The following FBXO42 variants were observed in gnomAD, a reference collection of about 807,000 sequenced individuals.
FBXO42 encodes the protein F-box only protein 42.
Under a neutral mutation model 71.7 loss-of-function variants are expected in FBXO42, and 12 were observed. The ratio of observed to expected loss-of-function variants is 0.17; its 90% CI spans 0.11 to 0.27. The LOEUF is 0.27. Among genes scored for constraint, FBXO42 ranks in the 10% least tolerant of loss-of-function variants. FBXO42 has a pLI of 1.00. For missense variants in FBXO42, 707 were observed against 911.9 expected (o/e 0.78, Z 2.89); for synonymous variants, 325 against 327.5 (o/e 0.99, Z 0.08).
At chr1:16,323,794 C>CAAAAA (rs1158421632) in intron 1 of FBXO42, among the ~76,000 whole-genome samples, 8 of 63,248 alleles carry the variant, frequency 1.3e-4, no homozygotes, top group African/African-American at 2.8e-4. Flanking sequence ...GACTCTGTCT[C>CAAAAA]AAAAAAAAAA....
intron 4 of FBXO42, among the ~76,000 whole-genome samples, chr1:16,270,880 G>A (rs1417473839): frequency 2.0e-5 from 3 of 150,996 alleles, no homozygotes; most frequent in African/African-American, 4.9e-5. Flanking sequence ...TCAGCCCCAG[G>A]AAGCGTATAG....
chr1:16,343,495 G>A (rs1292062324), intron 1 of FBXO42, among the ~76,000 whole-genome samples: 1 of 152,078 alleles, frequency 6.6e-6, no homozygotes. Flanking sequence ...GTAGTAAGCA[G>A]AGATTGCACC....
chr1:16,289,198 C>T (rs2082053205), intron 4 of FBXO42, among the ~76,000 whole-genome samples: 8 of 151,568 alleles, frequency 5.3e-5, no homozygotes. Context: ...AGTTGAAGAC[C>T]AGCCCAGGCA....
intron 1 of FBXO42, among the ~76,000 whole-genome samples, chr1:16,317,208 A>G (rs78399199): frequency 0.33 from 49,834 of 152,040 alleles, 9,840 homozygotes; most frequent in East Asian, 0.67. Flanking sequence ...ATCTGAGGTC[A>G]GGAGTTCAAG....
At chr1:16,349,240 G>T (rs1018972319) in intron 1 of FBXO42, among the ~76,000 whole-genome samples, 1 of 152,112 alleles carries the variant, frequency 6.6e-6, no homozygotes, top group African/African-American at 2.4e-5. Flanking sequence ...AGCCATCCCT[G>T]CTCCAAGAAG....
intron 1 of FBXO42, among the ~76,000 whole-genome samples, chr1:16,351,656 C>T (rs771964478): frequency 2.6e-5 from 4 of 152,158 alleles, no homozygotes; most frequent in Non-Finnish European, 5.9e-5. Flanking sequence ...CCTTTGCACA[C>T]ACAATTCTCG....
At chr1:16,279,475 A>T (rs1399225882) in intron 4 of FBXO42, among the ~76,000 whole-genome samples, 3 of 152,190 alleles carry the variant, frequency 2.0e-5, no homozygotes, top group Non-Finnish European at 4.4e-5. Flanking sequence ...TCTTGTCTAC[A>T]TCTTGTCTAG....
At chr1:16,351,828 G>T (rs1392591472) in intron 1 of FBXO42, among the ~76,000 whole-genome samples, 1 of 152,168 alleles carries the variant, frequency 6.6e-6, no homozygotes, top group Non-Finnish European at 1.5e-5. Context: ...CTTTGCAGCT[G>T]CAGGTTCAGA....
chr1:16,319,385 A>AT (rs1163193688), intron 1 of FBXO42, among the ~76,000 whole-genome samples: 1 of 152,206 alleles, frequency 6.6e-6, no homozygotes, highest in African/African-American at 2.4e-5. Flanking sequence ...TTCCCAGATA[A>AT]TTTATCTACC....
intron 1 of FBXO42, among the ~76,000 whole-genome samples, chr1:16,329,034 G>A (rs527333300): frequency 2.0e-5 from 3 of 151,930 alleles, no homozygotes; most frequent in Non-Finnish European, 2.9e-5. Flanking sequence ...ATGGTGGCGG[G>A]TGCCTGTAAT....
chr1:16,284,132 T>G (rs756863773), intron 4 of FBXO42, among the ~76,000 whole-genome samples: 1 of 152,244 alleles, frequency 6.6e-6, no homozygotes, highest in Non-Finnish European at 1.5e-5. Context: ...GATTAAGAAT[T>G]AAGGTGTTAC....
intron 1 of FBXO42, among the ~76,000 whole-genome samples, chr1:16,323,794 CAAAAAAAAAAAAA>C (rs1158421632): frequency 1.6e-5 from 1 of 63,252 alleles, no homozygotes; most frequent in African/African-American, 7.0e-5. Context: ...GACTCTGTCT[CAAAAAAAAAAAAA>C]AAAAAAAAAA....
chr1:16,304,551 C>A (rs990431729), intron 3 of FBXO42, among the ~76,000 whole-genome samples: 1 of 152,060 alleles, frequency 6.6e-6, no homozygotes, highest in Non-Finnish European at 1.5e-5. Flanking sequence ...CTGACTACTC[C>A]CTAAGCAAAA....
At chr1:16,303,876 G>T (rs1053486240) in intron 3 of FBXO42, among the ~76,000 whole-genome samples, 8 of 152,064 alleles carry the variant, frequency 5.3e-5, no homozygotes, top group Non-Finnish European at 1.2e-4. Context: ...CTCCCCAGTA[G>T]CTGCGACTAC....
chr1:16,307,287 C>T (rs2082261336), intron 2 of FBXO42, among the ~76,000 whole-genome samples: 1 of 152,038 alleles, frequency 6.6e-6, no homozygotes, highest in Non-Finnish European at 1.5e-5. Context: ...TAGCTTGAAG[C>T]CAGGAGTTTG....
intron 1 of FBXO42, among the ~76,000 whole-genome samples, chr1:16,318,899 G>A (rs1005970925): frequency 1.1e-4 from 16 of 152,174 alleles, no homozygotes; most frequent in African/African-American, 3.6e-4. Flanking sequence ...TCAACCACTG[G>A]CAGAAGGCTC....
At chr1:16,271,217 G>A (rs905552520) in intron 4 of FBXO42, among the ~76,000 whole-genome samples, 13 of 151,372 alleles carry the variant, frequency 8.6e-5, no homozygotes, top group Non-Finnish European at 1.9e-4. Flanking sequence ...ACCTTGTTTG[G>A]CCATACTTTG....
chr1:16,285,536 T>C (rs1034011062), intron 4 of FBXO42, among the ~76,000 whole-genome samples: 1 of 152,138 alleles, frequency 6.6e-6, no homozygotes, highest in African/African-American at 2.4e-5. Context: ...CCTCCCAAAG[T>C]ACTGGGATTA....
rs1315096616 is a variant in FBXO42, at chr1:16,247,910, T to A, written c.*2760A>T. 1 of 152,232 alleles carries A rather than the reference T, an allele frequency of 6.6e-6. No homozygotes were observed. The highest frequency in any genetic ancestry group is 2.1e-4 in the South Asian group (1 of 4,824). The allele number at this position is 152,232 out of a possible 1,614,324, so 9.4% of individuals were successfully genotyped here. On this transcript the variant is annotated 3_prime_UTR_variant, in exon 10 of 10. Coordinates refer to ENST00000375592, the MANE Select transcript of FBXO42 (RefSeq NM_018994.3). ...TAAGTAAGATGGACAAGGTGACCAG[T>A]GAAGTCACTAGGCCATGGGAGCTCT...
Sources: gnomAD v4.1 joint callset for allele counts (sites outside exome capture counted in the v4.1 genomes callset) on GRCh38, gnomAD v4.1.1 for gene constraint, MANE v1.5 for transcripts, NCBI Gene and HGNC (gene_info 2026-07-23, HGNC 2026-07-21) for gene names.